Variants in KHDRBS2 observed in about 807,000 individuals in gnomAD.
KHDRBS2 encodes the protein KH domain-containing, RNA-binding, signal transduction-associated protein 2.
Under a neutral mutation model 44.3 loss-of-function variants are expected in KHDRBS2, and 26 were observed. That is an observed-to-expected ratio of 0.59 (90% confidence interval 0.43 to 0.81). The LOEUF (loss-of-function observed/expected upper bound fraction) is 0.81. Among genes scored for constraint, KHDRBS2 ranks in the 40% least tolerant of loss-of-function variants. KHDRBS2 has a pLI of 0.00. For missense variants in KHDRBS2, 476 were observed against 433.1 expected (o/e 1.10, Z -0.88); for synonymous variants, 194 against 151.1 (o/e 1.28, Z -2.08).
chr6:62,210,870 G>A (rs1291438818), intron 1 of KHDRBS2, among the ~76,000 whole-genome samples: 1 of 152,074 alleles, frequency 6.6e-6, no homozygotes, highest in Non-Finnish European at 1.5e-5. Context: ...GTGAGGCTGA[G>A]TACAGACCAG....
intron 6 of KHDRBS2, among the ~76,000 whole-genome samples, chr6:61,772,347 C>T (rs1161437288): frequency 1.3e-5 from 2 of 152,006 alleles, no homozygotes; most frequent in South Asian, 2.1e-4. Flanking sequence ...AATAGAGACA[C>T]AAAAAACCCT....
chr6:61,721,707 C>T (rs1316165011), intron 7 of KHDRBS2, among the ~76,000 whole-genome samples: 5 of 118,812 alleles, frequency 4.2e-5, no homozygotes, highest in African/African-American at 1.4e-4. Flanking sequence ...TCTAGCTATA[C>T]AATCATGTCA....
the KHDRBS2 span, among the ~76,000 whole-genome samples, chr6:61,665,111 A>G: frequency 6.6e-5 from 10 of 151,552 alleles, no homozygotes; most frequent in Non-Finnish European, 1.2e-4. Context: ...TTCATAAAGG[A>G]GTTGAATTAT....
At position 62,197,733 on chromosome 6, in the gene KHDRBS2, A is replaced by G. The variant is rs867481424; in HGVS notation, c.92-20421T>C. 2.6e-5 allele frequency among the ~76,000 whole-genome samples: 4 copies of G among 152,172 alleles called. No individual in the cohort carries two copies. In the South Asian group the frequency reaches 6.2e-4, roughly 24 times the overall value. ...AACTGAACTCAGCTCTGCACCAAGCAGACCTAATAGACATCTACAGAACTC... is the reference window on the plus strand; with the variant it reads ...AACTGAACTCAGCTCTGCACCAAGCGGACCTAATAGACATCTACAGAACTC... On this transcript the variant is annotated intron_variant, in intron 1 of 8. Coordinates refer to ENST00000281156, the MANE Select transcript of KHDRBS2 (RefSeq NM_152688.4).
chr6:61,872,718 C>T (rs1336368672), intron 6 of KHDRBS2, among the ~76,000 whole-genome samples: 1 of 151,980 alleles, frequency 6.6e-6, no homozygotes, highest in African/African-American at 2.4e-5. Flanking sequence ...TGTGGGAAAA[C>T]AAGACCAAGG....
rs894132698 is a variant in KHDRBS2 at position 61,706,929 on chromosome 6, A to AAAAAAC, written c.894-9682_894-9677dup. 2.6e-5 allele frequency among the ~76,000 whole-genome samples: 4 copies of AAAAAAC among 151,832 alleles called. No homozygotes were observed. In the South Asian group the frequency reaches 6.2e-4, roughly 24 times the overall value. ...TTCACAAGTAAAATACTATACAAGT[A>AAAAAAC]AAAAACAAAAACAAAAACAAAAACA... On this transcript the variant is annotated intron_variant, in intron 7 of 8. Transcript: ENST00000281156.
chr6:61,658,857 C>T, the KHDRBS2 span, among the ~76,000 whole-genome samples: 21 of 140,860 alleles, frequency 1.5e-4, no homozygotes, highest in Non-Finnish European at 2.8e-4. Flanking sequence ...TTGCAGTATA[C>T]AGAACTTACT....
intron 1 of KHDRBS2, among the ~76,000 whole-genome samples, chr6:62,210,181 C>A (rs1319408628): frequency 6.6e-6 from 1 of 152,048 alleles, no homozygotes; most frequent in African/African-American, 2.4e-5. Context: ...TCACGACCAC[C>A]TATTTTTTAG....
At chr6:61,676,835 A>C (rs1765973826), downstream of KHDRBS2, among the ~76,000 whole-genome samples, 1 of 151,790 alleles carries the variant, frequency 6.6e-6, no homozygotes, top group South Asian at 2.1e-4. Context: ...GGCCATGCTA[A>C]TATTTTAGAT....
chr6:62,236,022 C>T (rs1833649562), intron 1 of KHDRBS2, among the ~76,000 whole-genome samples: 1 of 152,160 alleles, frequency 6.6e-6, no homozygotes, highest in African/African-American at 2.4e-5. Context: ...ATAGAATTTG[C>T]TTGATGAAAG....
chr6:61,779,773 T>C (rs559000264), intron 6 of KHDRBS2, among the ~76,000 whole-genome samples: 1 of 152,294 alleles, frequency 6.6e-6, no homozygotes, highest in South Asian at 2.1e-4. Flanking sequence ...ATTGTTGTTC[T>C]GCTTATAACC....
At chr6:62,043,540 C>A (rs1431378529) in intron 3 of KHDRBS2, among the ~76,000 whole-genome samples, 4 of 152,008 alleles carry the variant, frequency 2.6e-5, no homozygotes, top group African/African-American at 7.2e-5. Flanking sequence ...GATGTGAGTT[C>A]ATATATTGTG....
At chr6:62,005,720 T>C (rs1038277028) in intron 3 of KHDRBS2, among the ~76,000 whole-genome samples, 17 of 151,842 alleles carry the variant, frequency 1.1e-4, no homozygotes, top group South Asian at 2.1e-4. Flanking sequence ...AATAACAATA[T>C]ATTTATAAAG....
intron 4 of KHDRBS2, among the ~76,000 whole-genome samples, chr6:61,945,042 G>A (rs754020092): frequency 7.2e-6 from 1 of 139,496 alleles, no homozygotes; most frequent in Non-Finnish European, 1.5e-5. Context: ...AGTAAGCCAA[G>A]ATCGTGCCAC....
intron 3 of KHDRBS2, among the ~76,000 whole-genome samples, chr6:62,021,677 C>T (rs1353805633): frequency 2.6e-5 from 4 of 151,476 alleles, no homozygotes; most frequent in African/African-American, 9.7e-5. Flanking sequence ...AAATGTGTCA[C>T]TCTATTTTGC....
At chr6:61,550,190 C>T in the KHDRBS2 span, among the ~76,000 whole-genome samples, 1,756 of 152,104 alleles carry the variant, frequency 0.012, 14 homozygotes, top group Middle Eastern at 0.021. Flanking sequence ...TTTCAATCCT[C>T]GCCCTCCTCC....
chr6:61,928,565 T>C (rs1017273683), intron 4 of KHDRBS2, among the ~76,000 whole-genome samples: 3 of 152,078 alleles, frequency 2.0e-5, no homozygotes, highest in African/African-American at 7.2e-5. Flanking sequence ...CTTCATTTTA[T>C]TTACTCTGAC....
intron 3 of KHDRBS2, among the ~76,000 whole-genome samples, chr6:62,026,225 C>A (rs1217945686): frequency 1.3e-5 from 2 of 151,380 alleles, no homozygotes; most frequent in African/African-American, 4.8e-5. Context: ...AATTCTATAA[C>A]ACTTTCCCCA....
intron 1 of KHDRBS2, among the ~76,000 whole-genome samples, chr6:62,206,192 G>A (rs1400882811): frequency 3.9e-5 from 6 of 152,030 alleles, no homozygotes; most frequent in African/African-American, 1.2e-4. Flanking sequence ...TCAAAACTAT[G>A]CATAAATTTA....
Sources: allele counts gnomAD v4.1 joint callset (sites outside exome capture counted in the v4.1 genomes callset), GRCh38; gene constraint gnomAD v4.1.1; transcripts MANE v1.5; gene names NCBI Gene and HGNC (gene_info 2026-07-23, HGNC 2026-07-21).